MALRD1: variants seen among roughly 807,000 people sequenced by gnomAD.
The protein encoded by MALRD1 is MAM and LDL-receptor class A domain-containing protein 1.
A neutral mutation model predicts 242.1 loss-of-function variants in MALRD1; 247 were observed. The observed-to-expected ratio is 1.02, with a 90% CI of 0.92 to 1.13. The LOEUF (loss-of-function observed/expected upper bound fraction) is 1.13, where lower values mean the gene tolerates loss of function less well. Ranked by LOEUF, MALRD1 falls within the 50% of genes most tolerant of loss-of-function variation. The pLI, the probability that MALRD1 is intolerant of heterozygous loss-of-function variation, is 0.00. For missense variants in MALRD1, 2,989 were observed against 2,533.1 expected, an observed-to-expected ratio of 1.18 and a Z score of -3.86; for synonymous variants, 995 against 866.6, an observed-to-expected ratio of 1.15 and a Z score of -2.60.
At chr10:19,591,309 G>T (rs1837769841) in intron 33 of MALRD1, among the ~76,000 whole-genome samples, 2 of 152,094 alleles carry the variant, frequency 1.3e-5, no homozygotes, top group South Asian at 4.1e-4. Context: ...AATATCTAAA[G>T]AATAAATCAA....
chr10:19,331,594 G>T lies in MALRD1; in HGVS notation c.3901+12G>T. 6.5e-7 allele frequency: 1 copy of T among 1,547,642 alleles called. No homozygotes were observed. Reference sequence around the variant, plus strand: ...TACTTTCATTTGCCGTAAGTAAAAGGGTTCTGTTTTCTTACTTTTGCCTTC... The same window carrying T: ...TACTTTCATTTGCCGTAAGTAAAAGTGTTCTGTTTTCTTACTTTTGCCTTC... On this transcript the variant is annotated intron_variant, in intron 24 of 39. Transcript: ENST00000454679.
At position 19,450,461 on chromosome 10, in the gene MALRD1, A is replaced by T. The variant is rs1295575310; in HGVS notation, c.5000A>T (p.Asp1667Val). 1 of 1,549,590 alleles carries T rather than the reference A, an allele frequency of 6.5e-7. No homozygotes were observed. Among genetic ancestry groups the T allele is most frequent in the South Asian group, 1.2e-5 (1 of 83,678 alleles). ...TRDLGGGAAI[D>V]DIEFKNCTTV... ...GACCTGGGAGGAGGAGCTGCAATTG[A>T]TGATATTGAATTTAAAAACTGCACA... The change falls in exon 29 of 40, where the codon GAT becomes GTT. Residue 1667 changes from aspartate to valine, a missense_variant. Coordinates refer to ENST00000454679, the MANE Select transcript of MALRD1 (RefSeq NM_001142308.3).
At chr10:19,701,674 C>T (rs1833635368) in intron 38 of MALRD1, among the ~76,000 whole-genome samples, 1 of 150,518 alleles carries the variant, frequency 6.6e-6, no homozygotes, top group African/African-American at 2.4e-5. Context: ...CTTCCCTTCC[C>T]TTCCCTTTCC....
intron 2 of MALRD1, among the ~76,000 whole-genome samples, chr10:19,073,264 A>G (rs1269679781): frequency 6.6e-6 from 1 of 152,160 alleles, no homozygotes; most frequent in Non-Finnish European, 1.5e-5. Flanking sequence ...AAGTAAAAAT[A>G]TTAAAATAAA....
At chr10:19,578,980 G>A (rs1030855933) in intron 33 of MALRD1, among the ~76,000 whole-genome samples, 1 of 152,064 alleles carries the variant, frequency 6.6e-6, no homozygotes, top group African/African-American at 2.4e-5. Context: ...ACATTTAGTT[G>A]TTTCTATTAG....
chr10:19,634,907 G>C (rs936357069), intron 36 of MALRD1, among the ~76,000 whole-genome samples: 3 of 152,168 alleles, frequency 2.0e-5, no homozygotes, highest in Non-Finnish European at 2.9e-5. Context: ...TGGTGAAATA[G>C]AGGTTCACCA....
intron 33 of MALRD1, among the ~76,000 whole-genome samples, chr10:19,574,979 A>G (rs1380805615): frequency 6.6e-6 from 1 of 152,216 alleles, no homozygotes; most frequent in African/African-American, 2.4e-5. Flanking sequence ...TTGAAAATCT[A>G]TGTGGTGCCC....
At chr10:19,119,814 A>G (rs2131372399) in intron 5 of MALRD1, among the ~76,000 whole-genome samples, 2 of 152,332 alleles carry the variant, frequency 1.3e-5, no homozygotes, top group Middle Eastern at 6.8e-3. Context: ...ATCCTTGTTT[A>G]AACTATAAAC....
At chr10:19,400,684 T>G (rs1282936146) in intron 28 of MALRD1, among the ~76,000 whole-genome samples, 3 of 152,110 alleles carry the variant, frequency 2.0e-5, no homozygotes, top group Non-Finnish European at 4.4e-5. Flanking sequence ...AATAAAAAAA[T>G]TAAATTGGAT....
chr10:19,677,228 G>T (rs532734201), intron 36 of MALRD1, among the ~76,000 whole-genome samples: 12 of 152,076 alleles, frequency 7.9e-5, no homozygotes, highest in Non-Finnish European at 1.6e-4. Context: ...CTAGGTCTTC[G>T]AGGAATCATC....
At chr10:19,601,866 T>C (rs551949126) in intron 34 of MALRD1, among the ~76,000 whole-genome samples, 3 of 152,212 alleles carry the variant, frequency 2.0e-5, no homozygotes, top group African/African-American at 4.8e-5. Flanking sequence ...TGTTAAGTTA[T>C]ATTGTTTAAA....
At chr10:19,498,849 A>C (rs993851088) in intron 31 of MALRD1, among the ~76,000 whole-genome samples, 3 of 152,180 alleles carry the variant, frequency 2.0e-5, no homozygotes, top group Admixed American at 6.5e-5. Context: ...CAACAAAGCA[A>C]CTCATGACTC....
chr10:19,307,395 C>T (rs1162171847), intron 21 of MALRD1, among the ~76,000 whole-genome samples: 1 of 151,570 alleles, frequency 6.6e-6, no homozygotes, highest in Non-Finnish European at 1.5e-5. Context: ...AGGAGGCAGT[C>T]TCTCCATCAG....
chr10:19,102,293 A>C (rs1040402987), intron 4 of MALRD1, among the ~76,000 whole-genome samples: 2 of 151,896 alleles, frequency 1.3e-5, no homozygotes, highest in African/African-American at 2.4e-5. Context: ...CTATCTCTAC[A>C]CAATAATCTT....
intron 21 of MALRD1, chr10:19,290,088 A>G (rs960730576): frequency 9.9e-5 from 15 of 152,192 alleles, no homozygotes; most frequent in African/African-American, 3.6e-4. Flanking sequence ...TTCACTGTGT[A>G]GTTGAGTCTT....
At chr10:19,218,750 A>C (rs1014536245) in intron 18 of MALRD1, among the ~76,000 whole-genome samples, 1 of 152,190 alleles carries the variant, frequency 6.6e-6, no homozygotes, top group Non-Finnish European at 1.5e-5. Flanking sequence ...TTCTGAACAC[A>C]GTGATCTTGA....
intron 26 of MALRD1, among the ~76,000 whole-genome samples, chr10:19,372,234 TAAC>T (rs1845410995): frequency 6.6e-6 from 1 of 152,154 alleles, no homozygotes; most frequent in South Asian, 2.1e-4. Context: ...ACAAAAATTA[TAAC>T]AACTCTTGGA....
chr10:19,486,969 T>C (rs945251404), intron 29 of MALRD1, among the ~76,000 whole-genome samples: 1 of 152,182 alleles, frequency 6.6e-6, no homozygotes, highest in Non-Finnish European at 1.5e-5. Context: ...TTTCTTTTCT[T>C]ATGGCTGCAT....
intron 26 of MALRD1, among the ~76,000 whole-genome samples, chr10:19,381,415 C>G (rs1588993658): frequency 6.6e-6 from 1 of 151,990 alleles, no homozygotes; most frequent in Non-Finnish European, 1.5e-5. Context: ...CTTTTGGTGA[C>G]AAAGTCTTTC....
Sources: allele counts gnomAD v4.1 joint callset (sites outside exome capture counted in the v4.1 genomes callset), GRCh38; gene constraint gnomAD v4.1.1; transcripts MANE v1.5; gene names NCBI Gene and HGNC (gene_info 2026-07-23, HGNC 2026-07-21).